Variants in IKBKB observed in about 807,000 individuals in gnomAD.
IKBKB encodes the protein inhibitor of nuclear factor kappa-B kinase subunit beta.
In IKBKB, 42 loss-of-function variants were observed where a neutral mutation model predicts 113.6. That is an observed-to-expected ratio of 0.37 (90% confidence interval 0.29 to 0.48). IKBKB has a LOEUF of 0.48. IKBKB is among the 20% of genes least tolerant of loss of function. IKBKB has a pLI of 0.99. For synonymous variants in IKBKB, 296 were observed against 361.3 expected, an observed-to-expected ratio of 0.82 and a Z score of 2.05; for missense variants, 673 against 939.7, an observed-to-expected ratio of 0.72 and a Z score of 3.71.
intron 8 of IKBKB, 107 bp downstream of exon 8, chr8:42,309,132 T>G: frequency 7.8e-7 from 1 of 1,282,074 alleles, no homozygotes. Context: ...GAGATCTGTG[T>G]TGTTTCTCTT....
intron 5 of IKBKB, among the ~76,000 whole-genome samples, chr8:42,298,838 G>T (rs1187233271): frequency 2.6e-5 from 4 of 152,100 alleles, no homozygotes; most frequent in African/African-American, 7.2e-5. Flanking sequence ...GTGGCCCCGG[G>T]ACATCTCTGA....
intron 9 of IKBKB, among the ~76,000 whole-genome samples, chr8:42,315,323 T>G (rs1016263805): frequency 1.3e-5 from 2 of 152,170 alleles, no homozygotes; most frequent in African/African-American, 4.8e-5. Context: ...TAGTGCTATA[T>G]GGAATGACGT....
chr8:42,322,151 C>G lies in IKBKB; in HGVS notation c.1836C>G (p.Leu612=), dbSNP rs946523062. 1.9e-6 allele frequency: 3 copies of G among 1,612,240 alleles called. No individual in the cohort carries two copies. The highest frequency in any genetic ancestry group is 2.5e-6 in the Non-Finnish European group (3 of 1,178,582). The change falls in exon 18 of 22, where the codon CTC becomes CTG. Residue 612 remains leucine, a splice_region_variant and synonymous_variant. Coordinates refer to ENST00000520810, the MANE Select transcript of IKBKB (RefSeq NM_001556.3). ...AAGTGCGAGTGATCTATACGCAGCTCAGGTATGAGCCCCGACCTTCCTGCT... is the reference window on the plus strand; with the variant it reads ...AAGTGCGAGTGATCTATACGCAGCTGAGGTATGAGCCCCGACCTTCCTGCT... ...EKKVRVIYTQ[L]SKTVVCKQKA...
chr8:42,274,195 A>G (rs1049917064), intron 2 of IKBKB, among the ~76,000 whole-genome samples: 1 of 151,744 alleles, frequency 6.6e-6, no homozygotes, highest in African/African-American at 2.4e-5. Flanking sequence ...CATGCCAGCT[A>G]ATTTTTGTAT....
chr8:42,290,085 C>G (rs1196551478), intron 3 of IKBKB, 71 bp from the exon 4 acceptor site: 1 of 1,060,570 alleles, frequency 9.4e-7, no homozygotes, highest in Non-Finnish European at 1.5e-6. Flanking sequence ...GTTGCTGAGA[C>G]CTGGTGGGGG....
In IKBKB at chr8:42,331,581, C is replaced by G. The variant is rs2130746547; in HGVS notation, c.*602C>G. On this transcript the variant is annotated 3_prime_UTR_variant, in exon 22 of 22. Transcript: ENST00000520810. ...ATCCTCACTTCCTCTTTTTATTTCA[C>G]TGCTGCTAAAATTGTGTTTTTACCT... 3 of 598,230 alleles carry G rather than the reference C, an allele frequency of 5.0e-6. No individual in the cohort carries two copies. Among genetic ancestry groups the G allele is most frequent in the East Asian group, 2.8e-5 (1 of 36,170 alleles). 37.1% of individuals were successfully genotyped at this position (598,230 alleles called of 1,614,324 possible). A position where few individuals can be genotyped will look rare whatever the true frequency, so the allele number is the denominator to read the frequency against.
intron 15 of IKBKB, chr8:42,320,028 C>G (rs573068970): frequency 1.3e-3 from 250 of 187,232 alleles, no homozygotes; most frequent in Non-Finnish European, 2.3e-3. Flanking sequence ...AATAAAAGGT[C>G]TAGGCAGAAA....
intron 5 of IKBKB, among the ~76,000 whole-genome samples, chr8:42,298,974 C>T (rs1038098767): frequency 6.6e-6 from 1 of 152,198 alleles, no homozygotes; most frequent in African/African-American, 2.4e-5. Context: ...TGCTCCTCGA[C>T]GTTCTGTTTC....
intron 2 of IKBKB, among the ~76,000 whole-genome samples, chr8:42,274,777 C>T (rs1294671444): frequency 1.3e-5 from 1 of 74,828 alleles, no homozygotes; most frequent in Non-Finnish European, 2.7e-5. Flanking sequence ...AGGTGATCCC[C>T]GCCGGCGCGC....
At chr8:42,302,488 C>G (rs2130481314) in intron 5 of IKBKB, among the ~76,000 whole-genome samples, 1 of 152,264 alleles carries the variant, frequency 6.6e-6, no homozygotes, top group East Asian at 1.9e-4. Context: ...TCTGGCACCA[C>G]AGATAGAGCA....
chr8:42,282,982 T>TA (rs1810667161), intron 2 of IKBKB, among the ~76,000 whole-genome samples: 1 of 152,136 alleles, frequency 6.6e-6, no homozygotes, highest in African/African-American at 2.4e-5. Flanking sequence ...TGTCTGTGAG[T>TA]AGAAAGTTAG....
chr8:42,308,991 C>T lies in IKBKB; in HGVS notation c.658C>T (p.Arg220Trp), dbSNP rs779165425. 1.2e-6 allele frequency: 2 copies of T among 1,614,158 alleles called. No individual in the cohort carries two copies. Among genetic ancestry groups the T allele is most frequent in the Non-Finnish European group, 1.7e-6 (2 of 1,180,010 alleles). The change falls in exon 8 of 22, where the codon CGG (arginine) becomes TGG (tryptophan). Residue 220 changes from arginine (R) to tryptophan (W), a missense_variant. Physicochemically the swap from Arg to Trp is moderately radical, Grantham distance 101 (BLOSUM62 -3). This residue lies in a region of IKBKB where 167 missense variants were observed against 301.0 expected (regional missense o/e 0.55). Transcript: ENST00000520810. ...TLAFECITGF[R>W]PFLPNWQPVQ... ...GGCCTTTGAGTGCATCACGGGCTTC[C>T]GGCCCTTCCTCCCCAACTGGCAGCC... is the stretch of plus-strand genomic sequence containing the variant.
chr8:42,298,158 G>A, intron 5 of IKBKB: 7 of 985,386 alleles, frequency 7.1e-6, no homozygotes, highest in Non-Finnish European at 8.4e-6. Context: ...TTTTGTCAAG[G>A]GAGGCTCAAA....
At chr8:42,330,676 A>C in intron 21 of IKBKB, 1 of 301,076 alleles carries the variant, frequency 3.3e-6, no homozygotes, top group Non-Finnish European at 4.9e-6. Flanking sequence ...ACGCCTGGCT[A>C]ATTTTGTATT....
chr8:42,316,931 C>T lies in IKBKB; in HGVS notation c.1125+27C>T. On this transcript the variant is annotated intron_variant, in intron 11 of 21. Transcript: ENST00000520810. This position sits in a 1 kb window ranked among gnomAD's most constrained non-coding sequence, Gnocchi z 4.5. ...TGAGCCCTGGCTTCGTACACACCAT[C>T]CTGTTTACCTTGGCTGTGCCTCCTG... 6.2e-7 allele frequency: 1 copy of T among 1,603,484 alleles called. No homozygotes were observed. Among genetic ancestry groups the T allele is most frequent in the Non-Finnish European group, 8.5e-7 (1 of 1,171,658 alleles).
At chr8:42,303,802 C>T (rs1328644382) in intron 5 of IKBKB, among the ~76,000 whole-genome samples, 1 of 152,282 alleles carries the variant, frequency 6.6e-6, no homozygotes, top group Admixed American at 6.5e-5. Context: ...CCACCGCGCC[C>T]AGCCCCATTT....
In IKBKB at chr8:42,322,150, T is replaced by C; in HGVS notation, c.1835T>C (p.Leu612Pro). The change falls in exon 18 of 22, where the codon CTC (leucine) becomes CCC (proline). Residue 612 changes from leucine to proline, a missense_variant. Physicochemically the swap from Leu to Pro is moderately conservative, Grantham distance 98 (BLOSUM62 -3). Around this residue, in one of 2 missense-constraint regions of IKBKB, gnomAD observed 506 missense variants for 638.7 expected, o/e 0.79. Coordinates refer to ENST00000520810, the MANE Select transcript of IKBKB (RefSeq NM_001556.3). ...AAAGTGCGAGTGATCTATACGCAGC[T>C]CAGGTATGAGCCCCGACCTTCCTGC... ...EKKVRVIYTQ[L>P]SKTVVCKQKA... The C allele has an allele frequency of 6.2e-7, 1 of 1,612,840 alleles. No homozygotes were observed. The highest frequency in any genetic ancestry group is 8.5e-7 in the Non-Finnish European group (1 of 1,179,222).
intron 19 of IKBKB, chr8:42,325,299 G>GGATGCA (rs1258002729): frequency 3.0e-6 from 3 of 985,576 alleles, no homozygotes; most frequent in South Asian, 9.4e-5. Flanking sequence ...AGGTCATAGA[G>GGATGCA]GATGCAAGCC....
At position 42,329,113 on chromosome 8, in the gene IKBKB, A is replaced by AT. The variant is rs771194128; in HGVS notation, c.2115-7dup. ...ATGACCACTTTCTAATAATTTGATC[A>AT]TTTTCTTTAGTGAAGAACTGGTGGC... On this transcript the variant is annotated splice_polypyrimidine_tract_variant and intron_variant, in intron 20 of 21. Transcript: ENST00000520810. 16 of 1,600,376 alleles carry AT rather than the reference A, an allele frequency of 1.0e-5. No homozygotes were observed. Among genetic ancestry groups the AT allele is most frequent in the Admixed American group, 1.7e-5 (1 of 57,160 alleles).
Sources: gnomAD v4.1 joint callset for allele counts (sites outside exome capture counted in the v4.1 genomes callset) on GRCh38, gnomAD v4.1.1 for gene constraint, gnomAD v4.1.1 regional missense constraint, Gnocchi (gnomAD v3.1) non-coding constraint, MANE v1.5 for transcripts, NCBI Gene and HGNC (gene_info 2026-07-23, HGNC 2026-07-21) for gene names.